The following VTI1A variants were observed in gnomAD, a reference collection of about 807,000 sequenced individuals.
VTI1A encodes the protein vesicle transport through interaction with t-SNAREs 1A, also known as vesicle transport through interaction with t-SNAREs homolog 1A.
In VTI1A, 22 loss-of-function variants were observed where a neutral mutation model predicts 34.9. That is an observed-to-expected ratio of 0.63 (90% CI 0.45 to 0.90). The LOEUF (loss-of-function observed/expected upper bound fraction) is 0.90. Ranked by LOEUF, VTI1A falls within the 40% of genes least tolerant of loss-of-function variation. The pLI is 0.00. For synonymous variants in VTI1A, 87 were observed against 97.3 expected, an observed-to-expected ratio of 0.89 and a Z score of 0.62; for missense variants, 268 against 275.6, an observed-to-expected ratio of 0.97 and a Z score of 0.20.
intron 7 of VTI1A, among the ~76,000 whole-genome samples, chr10:112,789,367 A>G (rs1270173345): frequency 6.6e-6 from 1 of 152,220 alleles, no homozygotes; most frequent in Non-Finnish European, 1.5e-5. Context: ...AGAATATGTC[A>G]TTCCACTGTC....
chr10:112,704,156 G>C (rs981430981), intron 7 of VTI1A, among the ~76,000 whole-genome samples: 4 of 152,130 alleles, frequency 2.6e-5, no homozygotes, highest in African/African-American at 9.7e-5. Context: ...TTACCTCTAA[G>C]GCAATTCGTA....
At chr10:112,641,836 C>T (rs1215602735) in intron 5 of VTI1A, among the ~76,000 whole-genome samples, 1 of 152,132 alleles carries the variant, frequency 6.6e-6, no homozygotes, top group Non-Finnish European at 1.5e-5. Context: ...ATCAAGTTTC[C>T]AGTCCACAGC....
chr10:112,447,561 C>G (rs1029016483), intron 1 of VTI1A, 94 bp downstream of exon 1: 1 of 1,416,720 alleles, frequency 7.1e-7, no homozygotes. Context: ...CTATGAGGCG[C>G]GAGGCTGGAG....
intron 3 of VTI1A, among the ~76,000 whole-genome samples, chr10:112,505,817 G>C (rs960404495): frequency 1.3e-5 from 2 of 151,966 alleles, no homozygotes; most frequent in Non-Finnish European, 2.9e-5. Context: ...GGGACTACAG[G>C]TGTGTGCCAC....
At chr10:112,611,684 C>A (rs11196017) in intron 5 of VTI1A, among the ~76,000 whole-genome samples, 12,079 of 148,612 alleles carry the variant, frequency 0.081, 563 homozygotes, top group Non-Finnish European at 0.093. Context: ...TTGCTAATTG[C>A]AAAATCTGAC....
intron 5 of VTI1A, among the ~76,000 whole-genome samples, chr10:112,650,929 T>G (rs1216057124): frequency 1.3e-5 from 2 of 152,268 alleles, no homozygotes. Flanking sequence ...TGATTCATAC[T>G]ATTCTCATCT....
chr10:112,833,314 A>G, the VTI1A span, among the ~76,000 whole-genome samples: 1 of 149,932 alleles, frequency 6.7e-6, no homozygotes, highest in Non-Finnish European at 1.5e-5. Flanking sequence ...CTTCCCCTAC[A>G]TAGAGCATCC....
intron 7 of VTI1A, among the ~76,000 whole-genome samples, chr10:112,680,125 A>G (rs1262290361): frequency 1.3e-5 from 2 of 152,232 alleles, no homozygotes; most frequent in Middle Eastern, 3.2e-3. Context: ...CTTAAAATGC[A>G]TTGACCTACA....
At chr10:112,669,745 C>A (rs1847781476) in intron 7 of VTI1A, among the ~76,000 whole-genome samples, 1 of 152,110 alleles carries the variant, frequency 6.6e-6, no homozygotes, top group African/African-American at 2.4e-5. Flanking sequence ...AATGGCTTAA[C>A]TGGAATTTTT....
rs199564549 is a variant in VTI1A at position 112,668,201 on chromosome 10, A to G, written c.428-17A>G. On this transcript the variant is annotated splice_polypyrimidine_tract_variant and intron_variant, in intron 5 of 7. Coordinates refer to ENST00000393077, the MANE Select transcript of VTI1A (RefSeq NM_145206.4). ...ACTCCAAGTCATTTTTCCTCACTCAAATTTTCTTTTCCGTAGAGCAAATTG... is the reference window on the plus strand; with the variant it reads ...ACTCCAAGTCATTTTTCCTCACTCAGATTTTCTTTTCCGTAGAGCAAATTG... 50 of 1,610,900 alleles carry G rather than the reference A, an allele frequency of 3.1e-5. 1 individual carries two copies. Among genetic ancestry groups the G allele is most frequent in the Non-Finnish European group, 7.6e-6 (9 of 1,178,052 alleles).
chr10:112,597,569 C>T (rs1844704878), intron 5 of VTI1A, among the ~76,000 whole-genome samples: 1 of 151,196 alleles, frequency 6.6e-6, no homozygotes, highest in African/African-American at 2.4e-5. Flanking sequence ...AAGCCAGGTA[C>T]AGTGGTACAT....
intron 7 of VTI1A, among the ~76,000 whole-genome samples, chr10:112,702,565 G>A (rs1355647009): frequency 2.6e-5 from 4 of 151,572 alleles, no homozygotes; most frequent in South Asian, 2.1e-4. Context: ...GATTACAGGC[G>A]TGTGCCACCA....
intron 3 of VTI1A, among the ~76,000 whole-genome samples, chr10:112,477,076 C>T (rs1005663650): frequency 2.0e-5 from 3 of 152,136 alleles, no homozygotes; most frequent in African/African-American, 7.2e-5. Flanking sequence ...TAGATTTTGC[C>T]AGAGACTTTT....
intron 5 of VTI1A, among the ~76,000 whole-genome samples, chr10:112,656,515 C>A (rs1847234410): frequency 7.7e-6 from 1 of 129,774 alleles, no homozygotes; most frequent in Non-Finnish European, 1.6e-5. Flanking sequence ...ATACCACACC[C>A]AGATAATTTT....
At chr10:112,839,670 G>T in the VTI1A span, among the ~76,000 whole-genome samples, 2 of 152,222 alleles carry the variant, frequency 1.3e-5, no homozygotes, top group Admixed American at 6.5e-5. Flanking sequence ...GCTGCTGGTG[G>T]GCAGCCCAGG....
chr10:112,581,086 G>T (rs1002383132), intron 5 of VTI1A, among the ~76,000 whole-genome samples: 9 of 152,130 alleles, frequency 5.9e-5, no homozygotes, highest in African/African-American at 2.2e-4. Flanking sequence ...ACACCAGTGG[G>T]CTCCGCATGC....
chr10:112,595,357 C>T (rs893613958), intron 5 of VTI1A, among the ~76,000 whole-genome samples: 14 of 150,310 alleles, frequency 9.3e-5, no homozygotes, highest in African/African-American at 3.4e-4. Context: ...AAGAAACTAC[C>T]ATCAGAGTGA....
At chr10:112,633,667 A>G (rs1846230580) in intron 5 of VTI1A, among the ~76,000 whole-genome samples, 1 of 152,202 alleles carries the variant, frequency 6.6e-6, no homozygotes, top group Non-Finnish European at 1.5e-5. Flanking sequence ...GACTAGCATT[A>G]CATAAATGTG....
At chr10:112,589,038 T>G (rs1844275015) in intron 5 of VTI1A, among the ~76,000 whole-genome samples, 1 of 146,214 alleles carries the variant, frequency 6.8e-6, no homozygotes, top group East Asian at 2.0e-4. Context: ...TTTTTTTTTT[T>G]TTAACTTACA....
Sources: allele counts gnomAD v4.1 joint callset (sites outside exome capture counted in the v4.1 genomes callset), GRCh38; gene constraint gnomAD v4.1.1; transcripts MANE v1.5; gene names NCBI Gene and HGNC (gene_info 2026-07-23, HGNC 2026-07-21).